Variants in NUBPL observed in about 807,000 individuals in gnomAD.
NUBPL encodes the protein iron-sulfur cluster transfer protein NUBPL.
Under a neutral mutation model 45.7 loss-of-function variants are expected in NUBPL, and 31 were observed. The ratio of observed to expected loss-of-function variants is 0.68; its 90% CI spans 0.51 to 0.92. The LOEUF (loss-of-function observed/expected upper bound fraction) is 0.92, where lower values mean the gene tolerates loss of function less well. NUBPL is among the 40% of genes least tolerant of loss of function. NUBPL has a pLI of 0.00. For synonymous variants in NUBPL, 144 were observed against 140.9 expected (o/e 1.02, Z -0.15); for missense variants, 401 against 398.7 (o/e 1.01, Z -0.05).
chr14:31,766,329 T>C lies in NUBPL; in HGVS notation c.514-21451T>C, dbSNP rs529921475. 2.1e-3 allele frequency among the ~76,000 whole-genome samples: 320 copies of C among 152,288 alleles called. 1 individual carries two copies. Among genetic ancestry groups the C allele is most frequent in the African/African-American group, 7.4e-3 (306 of 41,564 alleles). ...CTGTCAACAAAGCATTTGCAGTTTT[T>C]AGGGCCTAGTCATTTAATTATGTGA... On this transcript the variant is annotated intron_variant, in intron 6 of 10. Coordinates refer to ENST00000281081, the MANE Select transcript of NUBPL (RefSeq NM_025152.3).
chr14:31,695,004 C>T (rs1413793376), intron 6 of NUBPL, among the ~76,000 whole-genome samples: 2 of 151,506 alleles, frequency 1.3e-5, no homozygotes, highest in Non-Finnish European at 2.9e-5. Flanking sequence ...TTAAAAAATA[C>T]TGTTGTGCAA....
chr14:31,827,785 C>A (rs1049536373), intron 8 of NUBPL, among the ~76,000 whole-genome samples: 2 of 152,148 alleles, frequency 1.3e-5, no homozygotes. Context: ...TCAGATTCTT[C>A]AGTGAGACCA....
At chr14:31,671,717 TAA>T (rs1258282160) in intron 4 of NUBPL, among the ~76,000 whole-genome samples, 1 of 152,194 alleles carries the variant, frequency 6.6e-6, no homozygotes, top group Non-Finnish European at 1.5e-5. Flanking sequence ...AGCCAGAAAT[TAA>T]AGAAGGAAAC....
At chr14:31,654,366 T>C (rs1339464628) in intron 4 of NUBPL, among the ~76,000 whole-genome samples, 1 of 152,084 alleles carries the variant, frequency 6.6e-6, no homozygotes, top group Admixed American at 6.5e-5. Flanking sequence ...ATCAGGGTGG[T>C]AGTTGCTGAA....
chr14:31,622,203 T>C (rs2035081381), intron 4 of NUBPL, among the ~76,000 whole-genome samples: 1 of 152,194 alleles, frequency 6.6e-6, no homozygotes, highest in African/African-American at 2.4e-5. Context: ...AAGAAATCTC[T>C]AAGCAGCAAA....
chr14:31,651,094 C>T (rs1342293810), intron 4 of NUBPL, among the ~76,000 whole-genome samples: 2 of 152,170 alleles, frequency 1.3e-5, no homozygotes, highest in African/African-American at 4.8e-5. Flanking sequence ...TTGGAGAGGC[C>T]AGTATCTAAA....
At chr14:31,669,129 C>T (rs919196110) in intron 4 of NUBPL, among the ~76,000 whole-genome samples, 8 of 152,170 alleles carry the variant, frequency 5.3e-5, no homozygotes, top group African/African-American at 1.9e-4. Context: ...TCCTGAGTAG[C>T]CAAGACTACA....
At chr14:31,579,527 T>C (rs1211555637) in intron 3 of NUBPL, among the ~76,000 whole-genome samples, 1 of 152,196 alleles carries the variant, frequency 6.6e-6, no homozygotes, top group Non-Finnish European at 1.5e-5. Context: ...ACCTACTTAG[T>C]GATGGAAAGG....
intron 6 of NUBPL, among the ~76,000 whole-genome samples, chr14:31,691,842 A>T (rs1209134313): frequency 6.6e-6 from 1 of 152,140 alleles, no homozygotes; most frequent in Non-Finnish European, 1.5e-5. Flanking sequence ...CTTCTGAAGG[A>T]TAACTTATTT....
At chr14:31,839,024 T>C (rs2040328265) in intron 8 of NUBPL, among the ~76,000 whole-genome samples, 1 of 152,210 alleles carries the variant, frequency 6.6e-6, no homozygotes, top group Non-Finnish European at 1.5e-5. Context: ...GGAACTCATT[T>C]TAATTTTACT....
intron 4 of NUBPL, among the ~76,000 whole-genome samples, chr14:31,619,714 G>A (rs1294227639): frequency 6.6e-6 from 1 of 152,042 alleles, no homozygotes; most frequent in Non-Finnish European, 1.5e-5. Context: ...GCTGCCCTTA[G>A]CATTGTTTCC....
intron 6 of NUBPL, among the ~76,000 whole-genome samples, chr14:31,729,276 C>CG (rs1595553084): frequency 3.5e-5 from 1 of 28,362 alleles, no homozygotes; most frequent in Non-Finnish European, 1.2e-4. Flanking sequence ...GATGCTCCAT[C>CG]CCCCCCCCCC....
intron 8 of NUBPL, among the ~76,000 whole-genome samples, chr14:31,831,986 C>T (rs1447800487): frequency 6.6e-6 from 1 of 152,044 alleles, no homozygotes; most frequent in African/African-American, 2.4e-5. Context: ...ACCAACAGAT[C>T]GTGAAATTGA....
chr14:31,648,356 T>A (rs1195768626), intron 4 of NUBPL, among the ~76,000 whole-genome samples: 25 of 152,214 alleles, frequency 1.6e-4, no homozygotes, highest in Admixed American at 1.6e-3. Flanking sequence ...GAAATTCACA[T>A]GCTAGTCAGG....
chr14:31,818,340 T>G lies in NUBPL; in HGVS notation c.608-8289T>G, dbSNP rs182531634. 3.2e-3 allele frequency among the ~76,000 whole-genome samples: 482 copies of G among 152,256 alleles called. 15 individuals carry two copies. Among genetic ancestry groups the G allele is most frequent in the Admixed American group, 0.028 (422 of 15,294 alleles). On this transcript the variant is annotated intron_variant, in intron 7 of 10. Transcript: ENST00000281081. ...CATCTACAGAACTCTCCACCCCAAA[T>G]CAACAGAATATACGTTCTTCTTAGC...
intron 6 of NUBPL, among the ~76,000 whole-genome samples, chr14:31,695,146 C>T (rs1283754477): frequency 6.6e-6 from 1 of 152,138 alleles, no homozygotes; most frequent in Non-Finnish European, 1.5e-5. Context: ...CATGTCATAG[C>T]GCAAACCCTG....
intron 6 of NUBPL, among the ~76,000 whole-genome samples, chr14:31,740,653 T>C (rs1477462126): frequency 6.6e-6 from 1 of 152,230 alleles, no homozygotes; most frequent in East Asian, 1.9e-4. Context: ...ATTTTATTTT[T>C]AATGAGGTCT....
chr14:31,725,208 A>G (rs181407495), intron 6 of NUBPL, among the ~76,000 whole-genome samples: 50 of 152,280 alleles, frequency 3.3e-4, no homozygotes, highest in African/African-American at 1.1e-3. Flanking sequence ...AGGTAGACCA[A>G]TTAAGAGTAC....
intron 3 of NUBPL, among the ~76,000 whole-genome samples, chr14:31,568,363 G>A (rs756556762): frequency 1.2e-4 from 19 of 152,106 alleles, no homozygotes; most frequent in Non-Finnish European, 2.6e-4. Context: ...AGTGCAGCTC[G>A]CTGCCAGCAC....
Sources: allele counts gnomAD v4.1 joint callset (sites outside exome capture counted in the v4.1 genomes callset), GRCh38; gene constraint gnomAD v4.1.1; transcripts MANE v1.5; gene names NCBI Gene and HGNC (gene_info 2026-07-23, HGNC 2026-07-21).